The following GPC6 variants were observed in gnomAD, a reference collection of about 807,000 sequenced individuals.
GPC6 encodes glypican 6, also known as glypican-6.
Under a neutral mutation model 55.2 loss-of-function variants are expected in GPC6, and 14 were observed. The ratio of observed to expected loss-of-function variants is 0.25; its 90% CI spans 0.17 to 0.40. The LOEUF (loss-of-function observed/expected upper bound fraction) is 0.40. Among genes scored for constraint, GPC6 ranks in the 10% least tolerant of loss-of-function variants. The probability of loss-of-function intolerance (pLI) is 1.00; values close to 1 mark genes in which losing one functional copy is unlikely to be tolerated. For synonymous variants in GPC6, 278 were observed against 259.6 expected (o/e 1.07, Z -0.68); for missense variants, 641 against 708.5 (o/e 0.90, Z 1.08).
chr13:93,527,398 GAT>G (rs1881696263), intron 1 of GPC6, among the ~76,000 whole-genome samples: 2 of 152,002 alleles, frequency 1.3e-5, no homozygotes, highest in Non-Finnish European at 2.9e-5. Flanking sequence ...CTTTTTTAGA[GAT>G]ATGGGGTATG....
intron 4 of GPC6, among the ~76,000 whole-genome samples, chr13:94,233,514 C>T (rs759457945): frequency 1.3e-5 from 2 of 152,128 alleles, no homozygotes; most frequent in African/African-American, 4.8e-5. Context: ...ACAATGCATA[C>T]GTTTTAAGTT....
chr13:94,367,323 T>C (rs763730374), intron 6 of GPC6, among the ~76,000 whole-genome samples: 5 of 152,242 alleles, frequency 3.3e-5, no homozygotes, highest in Non-Finnish European at 7.3e-5. Context: ...AAAGAACAAA[T>C]GACTTCTTGT....
intron 4 of GPC6, among the ~76,000 whole-genome samples, chr13:94,242,539 A>T (rs1458893937): frequency 1.3e-5 from 2 of 152,136 alleles, no homozygotes; most frequent in African/African-American, 4.8e-5. Context: ...TGTGGCACAT[A>T]TACACCATGG....
At chr13:93,567,506 GT>G (rs1876191311) in intron 2 of GPC6, among the ~76,000 whole-genome samples, 1 of 150,134 alleles carries the variant, frequency 6.7e-6, no homozygotes, top group African/African-American at 2.5e-5. Context: ...TCTTTTTTTA[GT>G]AGAGACAGGG....
chr13:93,862,567 A>G (rs1348148945), intron 3 of GPC6, among the ~76,000 whole-genome samples: 1 of 151,622 alleles, frequency 6.6e-6, no homozygotes, highest in Non-Finnish European at 1.5e-5. Flanking sequence ...AACTCTGAAG[A>G]TAAATACTGC....
intron 2 of GPC6, among the ~76,000 whole-genome samples, chr13:93,709,258 A>G (rs1443737297): frequency 1.3e-5 from 2 of 151,804 alleles, no homozygotes; most frequent in Non-Finnish European, 2.9e-5. Flanking sequence ...AATCTTTAAA[A>G]TACTGTTCAC....
At chr13:94,252,413 A>G (rs1005237830) in intron 4 of GPC6, among the ~76,000 whole-genome samples, 1 of 152,102 alleles carries the variant, frequency 6.6e-6, no homozygotes, top group Non-Finnish European at 1.5e-5. Flanking sequence ...GCTGGCTCTC[A>G]TATTTATTTT....
intron 6 of GPC6, among the ~76,000 whole-genome samples, chr13:94,327,273 A>G (rs1417457491): frequency 1.3e-5 from 2 of 152,276 alleles, no homozygotes; most frequent in African/African-American, 4.8e-5. Context: ...AGCAAACTGC[A>G]TGGCGGACGG....
At chr13:93,553,507 A>G (rs1051306587) in intron 2 of GPC6, among the ~76,000 whole-genome samples, 11 of 151,822 alleles carry the variant, frequency 7.2e-5, no homozygotes, top group East Asian at 1.9e-4. Context: ...CCTGGCCCGC[A>G]TGGTGAAACC....
intron 4 of GPC6, among the ~76,000 whole-genome samples, chr13:94,086,826 A>T (rs1311782120): frequency 2.6e-5 from 4 of 152,200 alleles, no homozygotes; most frequent in Admixed American, 2.6e-4. Flanking sequence ...AAAGAAGGAA[A>T]AGGAACTATT....
chr13:94,069,683 G>T (rs569392312), intron 4 of GPC6, among the ~76,000 whole-genome samples: 1 of 152,236 alleles, frequency 6.6e-6, no homozygotes, highest in South Asian at 2.1e-4. Flanking sequence ...CAAGTTCAAA[G>T]TTCCACAGAT....
chr13:93,483,936 TG>T (rs1480465787), intron 1 of GPC6, among the ~76,000 whole-genome samples: 8 of 152,330 alleles, frequency 5.3e-5, no homozygotes, highest in Non-Finnish European at 8.8e-5. Context: ...GACTTATTTG[TG>T]TAGAAAACAG....
chr13:93,886,595 G>A (rs1875344419), intron 3 of GPC6, among the ~76,000 whole-genome samples: 1 of 151,942 alleles, frequency 6.6e-6, no homozygotes, highest in Admixed American at 6.6e-5. Context: ...GCAAAACAAG[G>A]GTAAGGTACA....
At chr13:93,618,600 AAG>A (rs1439826497) in intron 2 of GPC6, among the ~76,000 whole-genome samples, 1 of 152,156 alleles carries the variant, frequency 6.6e-6, no homozygotes, top group African/African-American at 2.4e-5. Flanking sequence ...CTTTGGATGG[AAG>A]AAGGTTGAAA....
intron 2 of GPC6, among the ~76,000 whole-genome samples, chr13:93,589,612 A>G (rs16949005): frequency 0.038 from 5,777 of 152,228 alleles, 375 homozygotes; most frequent in African/African-American, 0.13. Context: ...GCCTTAGGTT[A>G]TATTGTAGCA....
chr13:93,869,979 C>T (rs1889080257), intron 3 of GPC6, among the ~76,000 whole-genome samples: 1 of 151,858 alleles, frequency 6.6e-6, no homozygotes, highest in Admixed American at 6.6e-5. Flanking sequence ...TTGATCTCAG[C>T]TCAGCCTCAC....
At chr13:94,102,614 T>C (rs1412038944) in intron 4 of GPC6, among the ~76,000 whole-genome samples, 1 of 152,082 alleles carries the variant, frequency 6.6e-6, no homozygotes, top group Non-Finnish European at 1.5e-5. Context: ...ATGTACATTA[T>C]AGGAAACAGC....
chr13:94,256,887 T>C (rs1320842082), intron 4 of GPC6, among the ~76,000 whole-genome samples: 2 of 152,116 alleles, frequency 1.3e-5, no homozygotes, highest in Non-Finnish European at 2.9e-5. Context: ...TCTTTTTTCC[T>C]TTGTGTCAAT....
intron 2 of GPC6, among the ~76,000 whole-genome samples, chr13:93,823,798 T>C (rs1887137225): frequency 6.6e-6 from 1 of 152,190 alleles, no homozygotes; most frequent in Non-Finnish European, 1.5e-5. Flanking sequence ...GGATTCCTAC[T>C]ATGAGATCAC....
Sources: allele counts gnomAD v4.1 joint callset (sites outside exome capture counted in the v4.1 genomes callset), GRCh38; gene constraint gnomAD v4.1.1; transcripts MANE v1.5; gene names NCBI Gene and HGNC (gene_info 2026-07-23, HGNC 2026-07-21).